XKR4: variants seen among roughly 807,000 people sequenced by gnomAD.
XKR4 encodes XK related 4.
A neutral mutation model predicts 53.9 loss-of-function variants in XKR4; 12 were observed. The ratio of observed to expected loss-of-function variants is 0.22; its 90% CI spans 0.14 to 0.36. The LOEUF (loss-of-function observed/expected upper bound fraction) is 0.36, where lower values mean the gene tolerates loss of function less well. Among genes scored for constraint, XKR4 ranks in the 10% least tolerant of loss-of-function variants. The pLI, the probability that XKR4 is intolerant of heterozygous loss-of-function variation, is 1.00. For synonymous variants in XKR4, 354 were observed against 362.4 expected (o/e 0.98, Z 0.26); for missense variants, 799 against 859.5 (o/e 0.93, Z 0.88).
chr8:55,217,696 A>C (rs932567449), intron 1 of XKR4, among the ~76,000 whole-genome samples: 1 of 152,190 alleles, frequency 6.6e-6, no homozygotes, highest in Non-Finnish European at 1.5e-5. Flanking sequence ...AGGTAAGTAT[A>C]ATATCCTTTT....
chr8:55,227,118 G>A (rs910468236), intron 1 of XKR4, among the ~76,000 whole-genome samples: 3 of 152,200 alleles, frequency 2.0e-5, no homozygotes, highest in African/African-American at 7.2e-5. Flanking sequence ...CCTGAGCACA[G>A]AGTCCTCGTG....
chr8:55,344,778 G>A (rs1803610422), intron 1 of XKR4, among the ~76,000 whole-genome samples: 1 of 152,132 alleles, frequency 6.6e-6, no homozygotes, highest in African/African-American at 2.4e-5. Flanking sequence ...AAGAGGCCCT[G>A]GCCATAGTGC....
rs887849055 is a variant in XKR4, at chr8:55,536,540, G to A, written c.*12313G>A. 1 of 152,158 alleles carries A rather than the reference G, an allele frequency of 6.6e-6. No individual in the cohort carries two copies. Among genetic ancestry groups the A allele is most frequent in the Admixed American group, 6.6e-5 (1 of 15,264 alleles). 9.4% of individuals were successfully genotyped at this position (152,158 alleles called of 1,614,324 possible). ...ACATACGGATATTTGGAAAAGTCGA[G>A]ATGTTTGAATCATACAGTTTTCCGT... On this transcript the variant is annotated 3_prime_UTR_variant, in exon 3 of 3. Transcript: ENST00000327381.
At chr8:55,384,605 G>C (rs1294834726) in intron 2 of XKR4, among the ~76,000 whole-genome samples, 1 of 152,224 alleles carries the variant, frequency 6.6e-6, no homozygotes, top group African/African-American at 2.4e-5. Context: ...TCATTGGCTA[G>C]AATCACTCAA....
intron 1 of XKR4, among the ~76,000 whole-genome samples, chr8:55,241,181 G>A (rs1818205696): frequency 6.6e-6 from 1 of 152,114 alleles, no homozygotes; most frequent in South Asian, 2.1e-4. Flanking sequence ...GTTTGTTATT[G>A]GAACTTTCAA....
At chr8:55,229,794 A>G (rs79236334) in intron 1 of XKR4, among the ~76,000 whole-genome samples, 2 of 151,082 alleles carry the variant, frequency 1.3e-5, no homozygotes, top group East Asian at 1.9e-4. Flanking sequence ...TGCATTGCCA[A>G]CTCCAGCTGG....
chr8:55,221,144 C>T (rs910292314), intron 1 of XKR4, among the ~76,000 whole-genome samples: 5 of 152,190 alleles, frequency 3.3e-5, no homozygotes, highest in Admixed American at 6.5e-5. Flanking sequence ...TGGAGCCCAG[C>T]CCTGCTGGTT....
At chr8:55,352,319 T>C (rs1293499325) in intron 1 of XKR4, among the ~76,000 whole-genome samples, 1 of 152,220 alleles carries the variant, frequency 6.6e-6, no homozygotes. Flanking sequence ...GAGGTGTGGA[T>C]TCATCTCCAA....
At position 55,536,731 on chromosome 8, in the gene XKR4, C is replaced by T. The variant is rs993475881; in HGVS notation, c.*12504C>T. ...ACAAATGTTATTTAATTTTTATTTA[C>T]TTTCAGCAAACACATGAATGAAAGA... On this transcript the variant is annotated 3_prime_UTR_variant, in exon 3 of 3. Coordinates refer to ENST00000327381, the MANE Select transcript of XKR4 (RefSeq NM_052898.2). The T allele has an allele frequency of 6.6e-6, 1 of 152,200 alleles. No individual in the cohort carries two copies. Among genetic ancestry groups the T allele is most frequent in the African/African-American group, 2.4e-5 (1 of 41,444 alleles). The allele number at this position is 152,200 out of a possible 1,614,324, so 9.4% of individuals were successfully genotyped here. A position where few individuals can be genotyped will look rare whatever the true frequency, so the allele number is the denominator to read the frequency against.
At position 55,120,028 on chromosome 8, in the gene XKR4, A is replaced by G. The variant is rs80120249; in HGVS notation, c.806+16734A>G. Among the ~76,000 whole-genome samples the G allele has an allele frequency of 8.0e-3, 1,224 of 152,352 alleles. 16 individuals are homozygous for G. The highest frequency in any genetic ancestry group is 0.028 in the African/African-American group (1,174 of 41,576). On this transcript the variant is annotated intron_variant, in intron 1 of 2. Transcript: ENST00000327381. ...ATTAATGAGCCTGTGACAACTCAGT[A>G]ATAACTACCCTGAACTTTTACAATG...
chr8:55,439,342 C>A (rs1461676428), intron 2 of XKR4, among the ~76,000 whole-genome samples: 1 of 152,086 alleles, frequency 6.6e-6, no homozygotes, highest in Non-Finnish European at 1.5e-5. Context: ...AATCAAAATT[C>A]TCTAAACAGG....
rs770583273 is a variant in XKR4, at chr8:55,523,744, A to G, written c.1470A>G (p.Pro490=). The G allele has an allele frequency of 2.7e-5, 43 of 1,614,158 alleles. No homozygotes were observed. The South Asian group carries it at 4.5e-4, about 17-fold the overall frequency. The change falls in exon 3 of 3, where the codon CCA becomes CCG. Residue 490 remains proline (P), a synonymous_variant. Transcript: ENST00000327381. ...APQIADAFAI[P]ALCVVFSSFL... ...AGATTGCAGACGCATTTGCCATTCC[A>G]GCGCTGTGTGTGGTGTTCAGCAGCT...
chr8:55,153,164 A>C (rs1816861729), intron 1 of XKR4, among the ~76,000 whole-genome samples: 1 of 152,232 alleles, frequency 6.6e-6, no homozygotes, highest in Admixed American at 6.5e-5. Context: ...TCTAGCATCA[A>C]GGTGACCTTT....
intron 1 of XKR4, among the ~76,000 whole-genome samples, chr8:55,136,494 A>G (rs1167272666): frequency 6.6e-6 from 1 of 152,222 alleles, no homozygotes; most frequent in Non-Finnish European, 1.5e-5. Context: ...AGTAAGTAGT[A>G]GTATGTGGGT....
intron 2 of XKR4, among the ~76,000 whole-genome samples, chr8:55,445,203 G>A (rs1445879631): frequency 1.3e-5 from 2 of 152,060 alleles, no homozygotes; most frequent in Non-Finnish European, 2.9e-5. Flanking sequence ...GACTACAGGT[G>A]CCCACCACCA....
intron 1 of XKR4, among the ~76,000 whole-genome samples, chr8:55,353,424 C>A (rs1373776944): frequency 6.6e-6 from 1 of 152,120 alleles, no homozygotes; most frequent in Non-Finnish European, 1.5e-5. Context: ...CTGAGGAATG[C>A]CAAAGATTGC....
chr8:55,368,748 T>G (rs571196235), intron 2 of XKR4, among the ~76,000 whole-genome samples: 3 of 152,200 alleles, frequency 2.0e-5, no homozygotes, highest in Non-Finnish European at 2.9e-5. Flanking sequence ...TGGAAGGCAC[T>G]CAAAAGTCCT....
chr8:55,253,002 C>T (rs1475230867), intron 1 of XKR4, among the ~76,000 whole-genome samples: 3 of 152,140 alleles, frequency 2.0e-5, no homozygotes, highest in Admixed American at 1.3e-4. Flanking sequence ...TCATCTTGGC[C>T]TCCAGCTTTC....
chr8:55,229,173 G>T (rs1445838678), intron 1 of XKR4, among the ~76,000 whole-genome samples: 2 of 152,328 alleles, frequency 1.3e-5, no homozygotes. Context: ...CTGTTTGTAA[G>T]GCAGGCAGCA....
Sources: allele counts gnomAD v4.1 joint callset (sites outside exome capture counted in the v4.1 genomes callset), GRCh38; gene constraint gnomAD v4.1.1; transcripts MANE v1.5; gene names NCBI Gene and HGNC (gene_info 2026-07-23, HGNC 2026-07-21).